Variants in EFTUD2 observed in about 807,000 individuals in gnomAD.
The protein encoded by EFTUD2 is 116 kDa U5 small nuclear ribonucleoprotein component.
A neutral mutation model predicts 114.3 loss-of-function variants in EFTUD2; 9 were observed. The ratio of observed to expected loss-of-function variants is 0.08; its 90% CI spans 0.05 to 0.14. The LOEUF (loss-of-function observed/expected upper bound fraction) is 0.14, where lower values mean the gene tolerates loss of function less well. Among genes scored for constraint, EFTUD2 ranks in the 10% least tolerant of loss-of-function variants. EFTUD2 has a pLI of 1.00. For synonymous variants in EFTUD2, 449 were observed against 462.3 expected (o/e 0.97, Z 0.37); for missense variants, 765 against 1,241.2 (o/e 0.62, Z 5.76).
chr17:44,879,537 G>C lies in EFTUD2; in HGVS notation c.702+19C>G. ...AACATAACAGGTGGATGAGATTCTG[G>C]GAGCTGAGTCTGACTCACCCCCTCA... is the stretch of plus-strand genomic sequence containing the variant. On this transcript the variant is annotated intron_variant, in intron 9 of 27. Coordinates refer to ENST00000426333, the MANE Select transcript of EFTUD2 (RefSeq NM_004247.4). 1 of 1,613,580 alleles carries C rather than the reference G, an allele frequency of 6.2e-7. No homozygotes were observed. Among genetic ancestry groups the C allele is most frequent in the Non-Finnish European group, 8.5e-7 (1 of 1,179,658 alleles).
At chr17:44,881,767 C>CT in intron 6 of EFTUD2, 45 bp from the exon 7 acceptor site, 1 of 1,586,176 alleles carries the variant, frequency 6.3e-7, no homozygotes, top group South Asian at 1.1e-5. Flanking sequence ...TGAGACTGCT[C>CT]TCCCACAAAC....
intron 9 of EFTUD2, among the ~76,000 whole-genome samples, chr17:44,877,384 A>G (rs905942698): frequency 3.3e-5 from 5 of 152,254 alleles, no homozygotes; most frequent in Non-Finnish European, 4.4e-5. Flanking sequence ...CTGGGACAAG[A>G]GCACTAGAGC....
intron 3 of EFTUD2, among the ~76,000 whole-genome samples, chr17:44,886,117 A>C (rs2051167434): frequency 6.6e-6 from 1 of 152,116 alleles, no homozygotes; most frequent in African/African-American, 2.4e-5. Context: ...GACACCTATA[A>C]TCCCAGCTAC....
At chr17:44,885,119 C>T in intron 4 of EFTUD2, 137 bp downstream of exon 4, 2 of 683,742 alleles carry the variant, frequency 2.9e-6, no homozygotes, top group Non-Finnish European at 5.2e-6. Flanking sequence ...CCAGCAGCCA[C>T]ACAAGCTGAA....
At chr17:44,864,654 T>C (rs1358472730) in intron 14 of EFTUD2, among the ~76,000 whole-genome samples, 4 of 152,084 alleles carry the variant, frequency 2.6e-5, no homozygotes, top group Non-Finnish European at 5.9e-5. Flanking sequence ...CTGGAAAATA[T>C]ACCAGAACCA....
chr17:44,875,875 T>G, intron 10 of EFTUD2, 59 bp downstream of exon 10: 1 of 1,575,678 alleles, frequency 6.3e-7, no homozygotes, highest in Admixed American at 1.7e-5. Flanking sequence ...CCCAGAGGTA[T>G]TCAGGGTTAA....
At chr17:44,865,943 T>G (rs1427451522) in intron 13 of EFTUD2, among the ~76,000 whole-genome samples, 1 of 151,872 alleles carries the variant, frequency 6.6e-6, no homozygotes, top group African/African-American at 2.4e-5. Context: ...CCCCAAGTAG[T>G]TGGGACCACA....
At chr17:44,859,206 C>T in intron 18 of EFTUD2, 25 bp from the exon 19 acceptor site, 1 of 1,542,470 alleles carries the variant, frequency 6.5e-7, no homozygotes, top group Non-Finnish European at 9.0e-7. Context: ...GCAGTCACAG[C>T]CTGGATTCTC....
Position 44,859,082 on chromosome 17 carries a change from T to C in EFTUD2, c.1960A>G (p.Lys654Glu), listed in dbSNP as rs2050609210. ...LRKMYSEIDI[K>E]VADPVVTFCE... ...GCTCCCGGCAGATACTGCTGTACCT[T>C]GATGTCTATCTCTGAGTACATCTTC... Residue 654 changes from lysine (K) to glutamate (E), a missense_variant and splice_region_variant, in exon 19 of 28, where the codon AAG (lysine) becomes GAG (glutamate). Lys to Glu is a moderately conservative substitution (Grantham distance 56). Coordinates refer to ENST00000426333, the MANE Select transcript of EFTUD2 (RefSeq NM_004247.4). The C allele has an allele frequency of 6.2e-7, 1 of 1,606,624 alleles. No homozygotes were observed. The highest frequency in any genetic ancestry group is 1.7e-5 in the Admixed American group (1 of 59,992).
At chr17:44,867,100 C>T (rs2050759637) in intron 13 of EFTUD2, among the ~76,000 whole-genome samples, 1 of 152,064 alleles carries the variant, frequency 6.6e-6, no homozygotes, top group Non-Finnish European at 1.5e-5. Context: ...GAGTGGGACC[C>T]TATCTCTAAA....
chr17:44,864,251 G>A (rs2050706633), intron 14 of EFTUD2, among the ~76,000 whole-genome samples: 1 of 152,096 alleles, frequency 6.6e-6, no homozygotes, highest in Non-Finnish European at 1.5e-5. Context: ...ACTGGGATAG[G>A]CCTGTGTGCC....
intron 4 of EFTUD2, 43 bp from the exon 5 acceptor site, chr17:44,883,767 T>C (rs781686224): frequency 6.3e-7 from 1 of 1,599,912 alleles, no homozygotes; most frequent in East Asian, 2.2e-5. Context: ...TTGGCAAACG[T>C]TTCCAAATGA....
Position 44,885,343 on chromosome 17 carries a change from A to C in EFTUD2, c.272-9T>G. On this transcript the variant is annotated splice_polypyrimidine_tract_variant and intron_variant, in intron 3 of 27. Transcript: ENST00000426333. The stretch of plus-strand genomic sequence containing the variant: ...TGGCTTAATAATGGGTTCTAGAAGA[A>C]AAAAAAAAGGTAGTGATGTGTAGGT... 5 of 1,598,638 alleles carry C rather than the reference A, an allele frequency of 3.1e-6. No homozygotes were observed. Among genetic ancestry groups the C allele is most frequent in the Non-Finnish European group, 4.3e-6 (5 of 1,167,536 alleles).
chr17:44,863,365 C>T (rs904511254), intron 15 of EFTUD2: 2 of 309,738 alleles, frequency 6.5e-6, no homozygotes, highest in Admixed American at 9.5e-5. Context: ...ACATGCTGAA[C>T]ACAACCGTAA....
intron 1 of EFTUD2, among the ~76,000 whole-genome samples, chr17:44,897,900 C>A (rs1425135508): frequency 6.6e-6 from 1 of 152,074 alleles, no homozygotes; most frequent in Non-Finnish European, 1.5e-5. Context: ...GAAAAAAGTA[C>A]CAATGCTAAC....
At chr17:44,852,049 C>A (rs2050463919) in intron 26 of EFTUD2, among the ~76,000 whole-genome samples, 1 of 151,992 alleles carries the variant, frequency 6.6e-6, no homozygotes, top group South Asian at 2.1e-4. Flanking sequence ...TCCCAAGTAG[C>A]TGGGATTACA....
chr17:44,854,718 G>A lies in EFTUD2; in HGVS notation c.2133-36C>T. 6.2e-7 allele frequency: 1 copy of A among 1,602,316 alleles called. No homozygotes were observed. The highest frequency in any genetic ancestry group is 8.5e-7 in the Non-Finnish European group (1 of 1,172,380). ...GAGGAGACAATGGAGCTGTCAGCCA[G>A]CTCTGTGATTGCTGGTCCTGGAGCC... On this transcript the variant is annotated intron_variant, in intron 21 of 27. Coordinates refer to ENST00000426333, the MANE Select transcript of EFTUD2 (RefSeq NM_004247.4). This position sits in a 1 kb window ranked among gnomAD's most constrained non-coding sequence, Gnocchi z 4.3.
chr17:44,875,742 A>G (rs1380416621), intron 10 of EFTUD2, 192 bp downstream of exon 10: 2 of 614,934 alleles, frequency 3.3e-6, no homozygotes, highest in Non-Finnish European at 2.8e-6. Flanking sequence ...CCAAGTACTG[A>G]TCATAATAGT....
intron 17 of EFTUD2, 72 bp downstream of exon 17, chr17:44,860,360 C>A: frequency 9.4e-7 from 1 of 1,067,492 alleles, no homozygotes; most frequent in Non-Finnish European, 1.5e-6. Flanking sequence ...GGATTAGTCC[C>A]GTTTGTGCTC....
Sources: allele counts gnomAD v4.1 joint callset (sites outside exome capture counted in the v4.1 genomes callset), GRCh38; gene constraint gnomAD v4.1.1; non-coding constraint Gnocchi (gnomAD v3.1); transcripts MANE v1.5; gene names NCBI Gene and HGNC (gene_info 2026-07-23, HGNC 2026-07-21).